The following IFT74 variants were observed in gnomAD, a reference collection of about 807,000 sequenced individuals.
The protein encoded by IFT74 is intraflagellar transport protein 74 homolog.
A neutral mutation model predicts 96.7 loss-of-function variants in IFT74; 92 were observed. The ratio of observed to expected loss-of-function variants is 0.95; its 90% CI spans 0.80 to 1.13. IFT74 has a LOEUF of 1.13. Ranked by LOEUF, IFT74 falls within the 50% of genes most tolerant of loss-of-function variation. IFT74 has a pLI of 0.00. For missense variants in IFT74, 811 were observed against 698.2 expected, an observed-to-expected ratio of 1.16 and a Z score of -1.82; for synonymous variants, 223 against 213.2, an observed-to-expected ratio of 1.05 and a Z score of -0.40.
At chr9:26,962,408 C>T (rs889565885) in intron 2 of IFT74, among the ~76,000 whole-genome samples, 4 of 152,128 alleles carry the variant, frequency 2.6e-5, no homozygotes, top group East Asian at 3.9e-4. Context: ...AAGAAGATGC[C>T]TGCTCCTGCA....
chr9:27,065,694 A>G lies in IFT74; in HGVS notation c.*2958A>G, dbSNP rs1820584402. Among the ~76,000 whole-genome samples, 1 of 152,180 alleles carries G rather than the reference A, an allele frequency of 6.6e-6. No homozygotes were observed. The highest frequency in any genetic ancestry group is 2.1e-4 in the South Asian group (1 of 4,828). Reference sequence around the variant, plus strand: ...TGAAAGGCCAGTTAGTAGTAGTTCCAGGGGTTTTTGCTGTTCCCTTGCTCA... The same window carrying G: ...TGAAAGGCCAGTTAGTAGTAGTTCCGGGGGTTTTTGCTGTTCCCTTGCTCA... On this transcript the variant is annotated 3_prime_UTR_variant, in exon 20 of 20. Transcript: ENST00000380062.
At chr9:27,013,047 A>G (rs1829181902) in intron 10 of IFT74, among the ~76,000 whole-genome samples, 1 of 152,086 alleles carries the variant, frequency 6.6e-6, no homozygotes, top group South Asian at 2.1e-4. Flanking sequence ...TTCTTTCCAG[A>G]TAGAACTACT....
chr9:27,014,977 C>T (rs1587357231), intron 10 of IFT74, among the ~76,000 whole-genome samples: 1 of 152,328 alleles, frequency 6.6e-6, no homozygotes, highest in East Asian at 1.9e-4. Flanking sequence ...GGTCAATCAA[C>T]TAGTATTTTT....
rs1829970428 is a variant in IFT74, at chr9:27,028,376, A to G, written c.975-649A>G. Reference sequence around the variant, plus strand: ...TCATTTTCTTAATACTGCAAATCAAACTCAAAGGAAAGTTGGGAGGGGGTG... The same window carrying G: ...TCATTTTCTTAATACTGCAAATCAAGCTCAAAGGAAAGTTGGGAGGGGGTG... On this transcript the variant is annotated intron_variant, in intron 12 of 19. Coordinates refer to ENST00000380062, the MANE Select transcript of IFT74 (RefSeq NM_025103.4). Among the ~76,000 whole-genome samples the G allele has an allele frequency of 2.6e-5, 4 of 152,170 alleles. 1 individual carries two copies. In the South Asian group the frequency reaches 6.2e-4, roughly 24 times the overall value.
At chr9:27,034,202 A>G (rs1830253673) in intron 13 of IFT74, among the ~76,000 whole-genome samples, 1 of 152,212 alleles carries the variant, frequency 6.6e-6, no homozygotes, top group Admixed American at 6.5e-5. Context: ...AAAACCAAAT[A>G]TATGATTATT....
chr9:27,042,302 C>G (rs1431551731), intron 13 of IFT74, among the ~76,000 whole-genome samples: 6 of 151,904 alleles, frequency 3.9e-5, no homozygotes, highest in Admixed American at 3.9e-4. Context: ...GAACAGAACT[C>G]TAGAATATAA....
rs142972666 is a variant in IFT74, at chr9:26,998,050, G to A, written c.587+7855G>A. The A allele has an allele frequency of 4.1e-5, 66 of 1,613,234 alleles. No individual in the cohort carries two copies. The African/African-American group carries it at 4.5e-4, about 11-fold the overall frequency. ...CTAGACTGGAGAGGTTACCAAAACC[G>A]TTATTATGTAAGATAGTAACCTTGT... On this transcript the variant is annotated intron_variant, in intron 8 of 19. Transcript: ENST00000380062.
chr9:26,995,518 AAATT>A (rs1828099373), intron 8 of IFT74: 1 of 1,513,722 alleles, frequency 6.6e-7, no homozygotes, highest in African/African-American at 1.4e-5. Flanking sequence ...ACTTTGAAAG[AAATT>A]AATTTTCTTC....
intron 16 of IFT74, among the ~76,000 whole-genome samples, chr9:27,048,716 C>A (rs181470834): frequency 7.4e-4 from 112 of 152,188 alleles, no homozygotes; most frequent in African/African-American, 2.1e-3. Context: ...GCTGGTTAGG[C>A]CAGCTGTGTC....
intron 12 of IFT74, among the ~76,000 whole-genome samples, chr9:27,025,654 C>T (rs1829831960): frequency 6.6e-6 from 1 of 151,902 alleles, no homozygotes; most frequent in South Asian, 2.1e-4. Flanking sequence ...TAGCAGAAAC[C>T]CTACAAGCTA....
chr9:26,951,813 A>G (rs1825945003), upstream of IFT74, among the ~76,000 whole-genome samples: 1 of 152,062 alleles, frequency 6.6e-6, no homozygotes, highest in Admixed American at 6.5e-5. Context: ...GCAAAGAATC[A>G]CTTGAACCTG....
chr9:27,058,791 A>T (rs926585328), intron 18 of IFT74, among the ~76,000 whole-genome samples: 1 of 152,250 alleles, frequency 6.6e-6, no homozygotes, highest in Non-Finnish European at 1.5e-5. Flanking sequence ...ATCTCATGAA[A>T]GCTTGCTACA....
intron 4 of IFT74, 80 bp from the exon 5 acceptor site, chr9:26,984,177 T>A: frequency 9.4e-7 from 1 of 1,060,448 alleles, no homozygotes; most frequent in Non-Finnish European, 1.3e-6. Context: ...TATTACGTAT[T>A]AATGGAAAGT....
chr9:26,949,026 G>A (rs1825856110), intron 1 of IFT74, among the ~76,000 whole-genome samples: 1 of 151,840 alleles, frequency 6.6e-6, no homozygotes, highest in Non-Finnish European at 1.5e-5. Context: ...TAGTTCCTCT[G>A]GGGAACCAAT....
At chr9:26,995,986 T>G (rs1413229026) in intron 8 of IFT74, 1 of 695,186 alleles carries the variant, frequency 1.4e-6, no homozygotes, top group Non-Finnish European at 2.2e-6. Context: ...AGATTTTGTT[T>G]GGTGGATGAA....
At chr9:26,992,440 C>A (rs989053415) in intron 8 of IFT74, among the ~76,000 whole-genome samples, 9 of 152,036 alleles carry the variant, frequency 5.9e-5, no homozygotes, top group African/African-American at 2.2e-4. Context: ...TGCCTGTAAT[C>A]CCAGCACTTT....
chr9:27,004,285 A>AT (rs1828661804), intron 8 of IFT74, among the ~76,000 whole-genome samples: 5 of 152,138 alleles, frequency 3.3e-5, no homozygotes, highest in East Asian at 1.9e-4. Context: ...TTAGAAAAGG[A>AT]TTTTTTTTCC....
intron 8 of IFT74, chr9:26,995,385 A>G (rs1370806492): frequency 6.6e-6 from 4 of 605,936 alleles, no homozygotes; most frequent in South Asian, 2.1e-5. Flanking sequence ...AAAGAACATA[A>G]TTTTATGATA....
intron 8 of IFT74, among the ~76,000 whole-genome samples, chr9:27,006,035 G>A (rs186163543): frequency 6.6e-6 from 1 of 151,858 alleles, no homozygotes; most frequent in African/African-American, 2.4e-5. Flanking sequence ...GTAGAGATGC[G>A]GTTTCACCAT....
Sources: gnomAD v4.1 joint callset for allele counts (sites outside exome capture counted in the v4.1 genomes callset) on GRCh38, gnomAD v4.1.1 for gene constraint, MANE v1.5 for transcripts, NCBI Gene and HGNC (gene_info 2026-07-23, HGNC 2026-07-21) for gene names.